ARB2A: variants seen among roughly 807,000 people sequenced by gnomAD.
The protein encoded by ARB2A is cotranscriptional regulator ARB2A.
the ARB2A span, among the ~76,000 whole-genome samples, chr5:93,626,708 A>G: frequency 3.7e-4 from 56 of 152,218 alleles, no homozygotes; most frequent in African/African-American, 1.3e-3. Flanking sequence ...GCTAATAATC[A>G]TCTGAGTTTT....
the ARB2A span, among the ~76,000 whole-genome samples, chr5:94,013,594 G>A: frequency 1.3e-5 from 2 of 152,076 alleles, no homozygotes; most frequent in African/African-American, 4.8e-5. Context: ...ATGGGAAAAA[G>A]CCAATACAGA....
the ARB2A span, among the ~76,000 whole-genome samples, chr5:93,990,432 C>G: frequency 6.6e-6 from 1 of 151,920 alleles, no homozygotes; most frequent in East Asian, 1.9e-4. Flanking sequence ...AACAATTTAA[C>G]AAGAAAAGTC....
the ARB2A span, among the ~76,000 whole-genome samples, chr5:93,752,538 G>T: frequency 6.6e-6 from 1 of 152,106 alleles, no homozygotes; most frequent in Admixed American, 6.5e-5. Context: ...TCAGAAAACT[G>T]TAAAAAACAT....
the ARB2A span, among the ~76,000 whole-genome samples, chr5:93,949,962 A>C: frequency 6.6e-6 from 1 of 152,198 alleles, no homozygotes; most frequent in Non-Finnish European, 1.5e-5. Context: ...GAACATGTGA[A>C]GTCTGTCTTT....
the ARB2A span, among the ~76,000 whole-genome samples, chr5:93,725,764 A>G: frequency 3.3e-5 from 5 of 152,108 alleles, no homozygotes; most frequent in Admixed American, 6.6e-5. Context: ...GCTCTCCCTT[A>G]AAAAGATTAA....
chr5:93,826,449 T>G, the ARB2A span, among the ~76,000 whole-genome samples: 9 of 152,174 alleles, frequency 5.9e-5, no homozygotes, highest in Admixed American at 4.6e-4. Flanking sequence ...AAGCCAACTA[T>G]TTAATGGTCA....
the ARB2A span, among the ~76,000 whole-genome samples, chr5:93,934,860 C>A: frequency 1.3e-5 from 2 of 152,032 alleles, no homozygotes; most frequent in African/African-American, 4.8e-5. Context: ...AATAAATGGT[C>A]CTTCCTTACT....
the ARB2A span, among the ~76,000 whole-genome samples, chr5:93,839,182 T>C: frequency 1.3e-5 from 2 of 152,222 alleles, no homozygotes; most frequent in Non-Finnish European, 2.9e-5. Context: ...GGGTTTGTCA[T>C]AGATGGCTCC....
the ARB2A span, chr5:93,737,952 A>T: frequency 2.2e-6 from 1 of 446,876 alleles, no homozygotes; most frequent in Non-Finnish European, 4.5e-6. Context: ...TAAGCAACAA[A>T]AGAAAAAATG....
chr5:93,993,633 CT>C, the ARB2A span, among the ~76,000 whole-genome samples: 3 of 151,974 alleles, frequency 2.0e-5, no homozygotes, highest in South Asian at 6.2e-4. Flanking sequence ...AAAAAAAGAA[CT>C]TCCAAAAAAG....
the ARB2A span, among the ~76,000 whole-genome samples, chr5:94,003,824 T>G: frequency 2.0e-5 from 3 of 152,074 alleles, no homozygotes; most frequent in Non-Finnish European, 4.4e-5. Context: ...TCAGCAAGAT[T>G]TTTGGTAGAT....
the ARB2A span, among the ~76,000 whole-genome samples, chr5:93,764,532 G>C: frequency 6.6e-6 from 1 of 152,102 alleles, no homozygotes; most frequent in Non-Finnish European, 1.5e-5. Context: ...ACCAATAATA[G>C]GTCCTGAAAT....
At chr5:93,866,648 G>A in the ARB2A span, among the ~76,000 whole-genome samples, 3 of 152,040 alleles carry the variant, frequency 2.0e-5, no homozygotes, top group African/African-American at 7.2e-5. Flanking sequence ...ATATACAGAC[G>A]GCCTACTTTA....
the ARB2A span, among the ~76,000 whole-genome samples, chr5:93,630,639 G>C: frequency 6.6e-6 from 1 of 152,104 alleles, no homozygotes; most frequent in Non-Finnish European, 1.5e-5. Context: ...AGTGGAACTT[G>C]GGGCAGTTTA....
At chr5:93,979,167 G>C in the ARB2A span, among the ~76,000 whole-genome samples, 454 of 152,094 alleles carry the variant, frequency 3.0e-3, no homozygotes, top group Non-Finnish European at 4.2e-3. Flanking sequence ...AAAACTTACA[G>C]CTTTTTAAAA....
chr5:93,643,620 G>A, the ARB2A span, among the ~76,000 whole-genome samples: 2 of 152,042 alleles, frequency 1.3e-5, no homozygotes, highest in South Asian at 2.1e-4. Flanking sequence ...TCAGCATCCC[G>A]AGTAGCTGGG....
chr5:93,674,730 C>T, the ARB2A span, among the ~76,000 whole-genome samples: 1 of 152,208 alleles, frequency 6.6e-6, no homozygotes, highest in African/African-American at 2.4e-5. Flanking sequence ...AGCTTGAAGA[C>T]ATAAAGCATT....
At chr5:94,092,487 T>A in the ARB2A span, among the ~76,000 whole-genome samples, 1 of 152,234 alleles carries the variant, frequency 6.6e-6, no homozygotes, top group Non-Finnish European at 1.5e-5. Flanking sequence ...TACTTGTAAT[T>A]ATGTTCCTTG....
the ARB2A span, among the ~76,000 whole-genome samples, chr5:93,651,061 T>C: frequency 6.6e-6 from 1 of 151,566 alleles, no homozygotes; most frequent in African/African-American, 2.4e-5. Flanking sequence ...ATAATAGAGA[T>C]GACAGCTGAT....
Sources: allele counts gnomAD v4.1 joint callset (sites outside exome capture counted in the v4.1 genomes callset), GRCh38; gene constraint gnomAD v4.1.1; transcripts MANE v1.5; gene names NCBI Gene and HGNC (gene_info 2026-07-23, HGNC 2026-07-21).